The following KPNA1 variants were observed in gnomAD, a reference collection of about 807,000 sequenced individuals.
KPNA1 encodes the protein importin subunit alpha-5.
In KPNA1, 10 loss-of-function variants were observed where a neutral mutation model predicts 70.5. The ratio of observed to expected loss-of-function variants is 0.14; its 90% CI spans 0.09 to 0.24. The LOEUF (loss-of-function observed/expected upper bound fraction) is 0.24. Among genes scored for constraint, KPNA1 ranks in the 10% least tolerant of loss-of-function variants. The pLI, the probability that KPNA1 is intolerant of heterozygous loss-of-function variation, is 1.00. For synonymous variants in KPNA1, 192 were observed against 221.9 expected, an observed-to-expected ratio of 0.87 and a Z score of 1.20; for missense variants, 397 against 637.9, an observed-to-expected ratio of 0.62 and a Z score of 4.07.
intron 11 of KPNA1, among the ~76,000 whole-genome samples, chr3:122,435,727 T>C (rs571122553): frequency 1.3e-5 from 2 of 152,328 alleles, no homozygotes; most frequent in Admixed American, 1.3e-4. Context: ...ACTGTGAAGA[T>C]TTCATGGACA....
At position 122,438,120 on chromosome 3, in the gene KPNA1, G is replaced by C. The variant is rs1405452017; in HGVS notation, c.997-825C>G. 1.2e-4 allele frequency among the ~76,000 whole-genome samples: 19 copies of C among 152,332 alleles called. No individual in the cohort carries two copies. The East Asian group carries it at 3.1e-3, about 25-fold the overall frequency. ...TTGGAGGTGGGGCCTGGTAGGAGGT[G>C]ACTGGATCATGGGGGTGGATCCTTC... On this transcript the variant is annotated intron_variant, in intron 10 of 13. Transcript: ENST00000344337.
chr3:122,466,805 C>T (rs2076385150), intron 3 of KPNA1, among the ~76,000 whole-genome samples: 1 of 151,952 alleles, frequency 6.6e-6, no homozygotes, highest in African/African-American at 2.4e-5. Context: ...GCCAGGAGTT[C>T]ACCTGGGCAA....
intron 1 of KPNA1, among the ~76,000 whole-genome samples, chr3:122,500,031 G>C (rs1282659906): frequency 6.6e-6 from 1 of 152,122 alleles, no homozygotes; most frequent in Non-Finnish European, 1.5e-5. Context: ...TCCTCTTATT[G>C]AGTCAGTTTT....
chr3:122,467,131 A>C (rs1277281184), intron 3 of KPNA1, among the ~76,000 whole-genome samples, 191 bp downstream of exon 3: 1 of 152,138 alleles, frequency 6.6e-6, no homozygotes, highest in African/African-American at 2.4e-5. Context: ...AGCAGAATTA[A>C]TCTTTATAAT....
At chr3:122,469,138 C>T (rs1170744896) in intron 2 of KPNA1, among the ~76,000 whole-genome samples, 2 of 152,086 alleles carry the variant, frequency 1.3e-5, no homozygotes, top group African/African-American at 2.4e-5. Flanking sequence ...TACTGACTGA[C>T]TGGTTAAGTT....
At chr3:122,456,663 T>C (rs1437589573) in intron 5 of KPNA1, among the ~76,000 whole-genome samples, 1 of 152,062 alleles carries the variant, frequency 6.6e-6, no homozygotes, top group African/African-American at 2.4e-5. Flanking sequence ...GAAAAGTAAG[T>C]GAATAACAGC....
Position 122,433,413 on chromosome 3 carries a change from G to C in KPNA1, c.1250+248C>G, listed in dbSNP as rs557906672. On this transcript the variant is annotated intron_variant, in intron 12 of 13. Transcript: ENST00000344337. ...GACTATGCCTACTTCTTATATCCCA[G>C]GATTGTTTTTCAGCAAAAAGAAATG... is the stretch of plus-strand genomic sequence containing the variant. Among the ~76,000 whole-genome samples the C allele has an allele frequency of 5.3e-5, 8 of 152,144 alleles. No individual in the cohort carries two copies. The East Asian group carries it at 1.5e-3, about 29-fold the overall frequency.
intron 2 of KPNA1, among the ~76,000 whole-genome samples, chr3:122,472,671 T>C (rs2076455292): frequency 6.6e-6 from 1 of 152,110 alleles, no homozygotes; most frequent in South Asian, 2.1e-4. Context: ...ACCAATTAAA[T>C]CATAAACCTC....
chr3:122,459,619 A>G, intron 5 of KPNA1: 1 of 985,356 alleles, frequency 1.0e-6, no homozygotes, highest in Non-Finnish European at 1.2e-6. Flanking sequence ...GAACGTGATT[A>G]TTTTTCAGGT....
At chr3:122,497,666 A>G (rs1422655408) in intron 1 of KPNA1, among the ~76,000 whole-genome samples, 1 of 152,202 alleles carries the variant, frequency 6.6e-6, no homozygotes, top group Non-Finnish European at 1.5e-5. Context: ...TCCCCTGATG[A>G]CTAATGAGAT....
Position 122,468,946 on chromosome 3 carries a change from T to C in KPNA1, c.130-1517A>G, listed in dbSNP as rs1157978175. Among the ~76,000 whole-genome samples the C allele has an allele frequency of 2.0e-5, 3 of 152,144 alleles. No homozygotes were observed. In the East Asian group the frequency reaches 5.8e-4, roughly 29 times the overall value. On this transcript the variant is annotated intron_variant, in intron 2 of 13. Coordinates refer to ENST00000344337, the MANE Select transcript of KPNA1 (RefSeq NM_002264.4). ...ACTGACACAAATAGAACAGAGTATC[T>C]ATGAACTGAAACAACTACAAATGGT... is the stretch of plus-strand genomic sequence containing the variant.
chr3:122,429,334 C>T (rs1473476637), intron 12 of KPNA1, among the ~76,000 whole-genome samples: 1 of 151,152 alleles, frequency 6.6e-6, no homozygotes, highest in African/African-American at 2.4e-5. Flanking sequence ...ACCTGTATTC[C>T]CAGCTACTTG....
At chr3:122,428,147 A>G (rs1034871862) in intron 12 of KPNA1, among the ~76,000 whole-genome samples, 1 of 152,226 alleles carries the variant, frequency 6.6e-6, no homozygotes, top group African/African-American at 2.4e-5. Context: ...ATTTTAGTAA[A>G]GTAAGTTGTG....
At chr3:122,448,086 AAGTC>A (rs1338554982) in intron 9 of KPNA1, among the ~76,000 whole-genome samples, 1 of 152,218 alleles carries the variant, frequency 6.6e-6, no homozygotes, top group African/African-American at 2.4e-5. Context: ...CATCATTAAA[AAGTC>A]AGGAAACAAG....
intron 2 of KPNA1, among the ~76,000 whole-genome samples, chr3:122,475,086 A>G (rs948902065): frequency 2.0e-5 from 3 of 152,208 alleles, no homozygotes; most frequent in Non-Finnish European, 4.4e-5. Flanking sequence ...TGCTGAAGAC[A>G]TATCTTACAT....
At chr3:122,463,222 CCTGTAGTCCCAACTA>C (rs1343320530) in intron 4 of KPNA1, among the ~76,000 whole-genome samples, 1 of 152,056 alleles carries the variant, frequency 6.6e-6, no homozygotes, top group Non-Finnish European at 1.5e-5. Context: ...GTGGCGAGCG[CCTGTAGTCCCAACTA>C]CTTGGGAGGC....
Position 122,427,668 on chromosome 3 carries a change from C to A in KPNA1, c.1299G>T (p.Thr433=). Residue 433 remains threonine, a synonymous_variant, in exon 13 of 14, where the codon ACG becomes ACT. Coordinates refer to ENST00000344337, the MANE Select transcript of KPNA1 (RefSeq NM_002264.4). ...CCTGTACAATCTTAGAGTCCATGAC[C>A]GTGAGGAGATCACAGAGCGGCTTGA... ...GCIKPLCDLL[T]VMDSKIVQVA... is the part of the protein sequence containing the mutation. The A allele has an allele frequency of 6.2e-7, 1 of 1,613,502 alleles. No homozygotes were observed. The highest frequency in any genetic ancestry group is 8.5e-7 in the Non-Finnish European group (1 of 1,179,618).
intron 9 of KPNA1, 27 bp from the exon 10 acceptor site, chr3:122,442,143 G>C: frequency 2.0e-6 from 3 of 1,535,186 alleles, no homozygotes; most frequent in Non-Finnish European, 2.7e-6. Flanking sequence ...TAATGTTATA[G>C]CAAACAGTTC....
chr3:122,507,546 C>T (rs958629816), intron 1 of KPNA1, among the ~76,000 whole-genome samples: 1 of 150,984 alleles, frequency 6.6e-6, no homozygotes, highest in Non-Finnish European at 1.5e-5. Context: ...ACTGATTATA[C>T]AAGAAAAAAA....
Sources: allele counts gnomAD v4.1 joint callset (sites outside exome capture counted in the v4.1 genomes callset), GRCh38; gene constraint gnomAD v4.1.1; transcripts MANE v1.5; gene names NCBI Gene and HGNC (gene_info 2026-07-23, HGNC 2026-07-21).